IDE: variants seen among roughly 807,000 people sequenced by gnomAD.
IDE encodes the protein insulin-degrading enzyme.
Under a neutral mutation model 133.2 loss-of-function variants are expected in IDE, and 58 were observed. The ratio of observed to expected loss-of-function variants is 0.44; its 90% CI spans 0.35 to 0.54. The LOEUF (loss-of-function observed/expected upper bound fraction) is 0.54, where lower values mean the gene tolerates loss of function less well. Among genes scored for constraint, IDE ranks in the 20% least tolerant of loss-of-function variants. The pLI is 0.00. For synonymous variants in IDE, 396 were observed against 421.3 expected (o/e 0.94, Z 0.73); for missense variants, 981 against 1,234.0 (o/e 0.79, Z 3.07).
At chr10:92,500,310 A>G (rs1208337579) in intron 11 of IDE, among the ~76,000 whole-genome samples, 8 of 151,844 alleles carry the variant, frequency 5.3e-5, no homozygotes, top group African/African-American at 1.9e-4. Context: ...AAAAAAAAAA[A>G]CCCCAACTGA....
At chr10:92,556,918 G>A (rs1158770968) in intron 1 of IDE, among the ~76,000 whole-genome samples, 7 of 122,114 alleles carry the variant, frequency 5.7e-5, no homozygotes, top group East Asian at 2.3e-4. Context: ...GTGAGACTCC[G>A]CCTCAAAAAA....
intron 1 of IDE, among the ~76,000 whole-genome samples, chr10:92,553,362 T>C (rs964911431): frequency 2.0e-5 from 3 of 150,880 alleles, no homozygotes; most frequent in African/African-American, 7.3e-5. Context: ...AGGCAGAGGT[T>C]GCAGTGAGCC....
At chr10:92,485,153 G>GT (rs757649236) in intron 13 of IDE, among the ~76,000 whole-genome samples, 2 of 104,890 alleles carry the variant, frequency 1.9e-5, no homozygotes, top group Non-Finnish European at 3.6e-5. Context: ...TTGTGACAGA[G>GT]TTTCGCTCTT....
chr10:92,503,043 T>G (rs1848106360), intron 11 of IDE, among the ~76,000 whole-genome samples: 1 of 149,862 alleles, frequency 6.7e-6, no homozygotes, highest in African/African-American at 2.5e-5. Flanking sequence ...TGAAAAAGAC[T>G]TCTAAATTTT....
At chr10:92,455,439 C>T (rs948465703) in intron 24 of IDE, 137 bp downstream of exon 24, 1 of 625,440 alleles carries the variant, frequency 1.6e-6, no homozygotes, top group Non-Finnish European at 2.9e-6. Flanking sequence ...TGAGATCGCA[C>T]CACTGCACTC....
At chr10:92,564,692 A>AAAAAAAAC (rs1843440791) in intron 1 of IDE, among the ~76,000 whole-genome samples, 1 of 146,210 alleles carries the variant, frequency 6.8e-6, no homozygotes, top group Non-Finnish European at 1.5e-5. Context: ...AAAAAAAAAA[A>AAAAAAAAC]AAAAAAAAAA....
rs182835393 is a variant in IDE, at chr10:92,454,695, A to G, written c.2965-156T>C. 3.3e-5 allele frequency among the ~76,000 whole-genome samples: 5 copies of G among 152,318 alleles called. No individual in the cohort carries two copies. The East Asian group carries it at 5.8e-4, about 18-fold the overall frequency. ...GGCCGCTCTACCTAATAACCCATGT[A>G]TCTTGATCTGCTGACCTTTCTTCTG... On this transcript the variant is annotated intron_variant, in intron 24 of 24. Coordinates refer to ENST00000265986, the MANE Select transcript of IDE (RefSeq NM_004969.4).
At chr10:92,488,105 ACTT>A (rs1847111435) in intron 12 of IDE, among the ~76,000 whole-genome samples, 1 of 149,518 alleles carries the variant, frequency 6.7e-6, no homozygotes. Context: ...TCACTTCAGT[ACTT>A]CTTTTTTTCT....
In IDE at chr10:92,572,909, A is replaced by C. The variant is rs541214526; in HGVS notation, c.98+1013T>G. On this transcript the variant is annotated intron_variant, in intron 1 of 24. Transcript: ENST00000265986. ...TACCCATCTTCTGACCCTCATCAAC[A>C]CACCCTTGTAGCTATCTCAATTCCC... The C allele has an allele frequency of 9.3e-5, 92 of 984,816 alleles. No homozygotes were observed. The Middle Eastern group carries it at 1.6e-3, about 17-fold the overall frequency. The allele number at this position is 984,816 out of a possible 1,614,324, so 61.0% of individuals were successfully genotyped here. A position where few individuals can be genotyped will look rare whatever the true frequency, so the allele number is the denominator to read the frequency against.
Position 92,531,763 on chromosome 10 carries a change from T to A in IDE, c.646A>T (p.Ser216Cys). 6.3e-7 allele frequency: 1 copy of A among 1,584,254 alleles called. No homozygotes were observed. Among genetic ancestry groups the A allele is most frequent in the Non-Finnish European group, 8.6e-7 (1 of 1,162,544 alleles). Reference protein sequence around the residue: ...KATGNPKHPFSKFGTGNKYTL... With the variant: ...KATGNPKHPFCKFGTGNKYTL... The stretch of plus-strand genomic sequence containing the variant: ...GTTGACAAACCTGTCCCAAATTTAC[T>A]GAAGGGGTGTTTAGGATTCCCTGTA... Residue 216 changes from serine to cysteine, a missense_variant, in exon 4 of 25, where the codon AGT becomes TGT. Around this residue, in one of 2 missense-constraint regions of IDE, gnomAD observed 321 missense variants for 339.3 expected, o/e 0.95. Transcript: ENST00000265986.
intron 5 of IDE, 82 bp from the exon 6 acceptor site, chr10:92,510,244 T>C: frequency 1.4e-6 from 1 of 701,872 alleles, no homozygotes; most frequent in Non-Finnish European, 2.5e-6. Flanking sequence ...TAGGATCTCC[T>C]GAAAAGTCTC....
chr10:92,542,402 G>A (rs1229617834), intron 1 of IDE, among the ~76,000 whole-genome samples: 2 of 152,206 alleles, frequency 1.3e-5, no homozygotes, highest in African/African-American at 2.4e-5. Context: ...CAATCCACCC[G>A]CCTTGGCCTC....
At chr10:92,566,639 T>C (rs978273225) in intron 1 of IDE, among the ~76,000 whole-genome samples, 16 of 149,740 alleles carry the variant, frequency 1.1e-4, no homozygotes, top group Non-Finnish European at 1.9e-4. Context: ...TGAGGGCAGG[T>C]GGGGATGGTT....
At chr10:92,519,345 A>C (rs1849094797) in intron 4 of IDE, among the ~76,000 whole-genome samples, 2 of 152,192 alleles carry the variant, frequency 1.3e-5, no homozygotes, top group Admixed American at 1.3e-4. Context: ...TTTTGTGCTC[A>C]TTCAGCTGGG....
chr10:92,488,156 A>ATGCAGCAGCG (rs1329397607), intron 12 of IDE, among the ~76,000 whole-genome samples: 1 of 150,232 alleles, frequency 6.7e-6, no homozygotes, highest in Non-Finnish European at 1.5e-5. Flanking sequence ...CCAGGCTGGA[A>ATGCAGCAGCG]TGCAGCAGCG....
At chr10:92,472,857 C>T (rs1020593955) in intron 17 of IDE, among the ~76,000 whole-genome samples, 8 of 150,684 alleles carry the variant, frequency 5.3e-5, no homozygotes, top group Non-Finnish European at 1.2e-4. Context: ...AGAATGGTCT[C>T]GATCTCTTGA....
intron 1 of IDE, chr10:92,573,277 C>G (rs1843875728): frequency 1.5e-6 from 1 of 662,708 alleles, no homozygotes; most frequent in Non-Finnish European, 1.9e-6. Context: ...CAAGCCATCT[C>G]TCGGAGCTCC....
At chr10:92,463,618 C>T (rs1845511297) in intron 21 of IDE, 113 bp downstream of exon 21, 6 of 969,406 alleles carry the variant, frequency 6.2e-6, no homozygotes, top group African/African-American at 1.6e-5. Flanking sequence ...CCCACCCCAA[C>T]TCCCCAAATA....
intron 1 of IDE, among the ~76,000 whole-genome samples, chr10:92,571,251 T>C (rs1367422708): frequency 6.6e-6 from 1 of 152,032 alleles, no homozygotes; most frequent in East Asian, 1.9e-4. Flanking sequence ...TGACCTCAAG[T>C]GATCCCCCCG....
Sources: gnomAD v4.1 joint callset for allele counts (sites outside exome capture counted in the v4.1 genomes callset) on GRCh38, gnomAD v4.1.1 for gene constraint, gnomAD v4.1.1 regional missense constraint, MANE v1.5 for transcripts, NCBI Gene and HGNC (gene_info 2026-07-23, HGNC 2026-07-21) for gene names.